CFTR: variants seen among roughly 807,000 people sequenced by gnomAD.
The protein encoded by CFTR is CF transmembrane conductance regulator, also known as cystic fibrosis transmembrane conductance regulator.
CFTR carries 181 observed loss-of-function variants against 171.6 expected under a neutral mutation model. The observed-to-expected ratio is 1.05, with a 90% CI of 0.93 to 1.19. The LOEUF is 1.19. Among genes scored for constraint, CFTR ranks in the 50% most tolerant of loss-of-function variants. The probability of loss-of-function intolerance (pLI) is 0.00; values close to 1 mark genes in which losing one functional copy is unlikely to be tolerated. For synonymous variants in CFTR, 583 were observed against 608.0 expected (o/e 0.96, Z 0.60); for missense variants, 1,968 against 1,734.7 (o/e 1.13, Z -2.39).
At chr7:117,546,641 G>A (rs34456592) in intron 9 of CFTR, among the ~76,000 whole-genome samples, 17,173 of 152,002 alleles carry the variant, frequency 0.11, 1,465 homozygotes, top group East Asian at 0.41. Context: ...AAAGTTATTA[G>A]TAACAACAGT....
Position 117,627,571 on chromosome 7 carries a change from G to A in CFTR, c.3518G>A (p.Gly1173Asp). The A allele has an allele frequency of 1.2e-6, 2 of 1,613,234 alleles. No individual in the cohort carries two copies. Among genetic ancestry groups the A allele is most frequent in the Non-Finnish European group, 1.7e-6 (2 of 1,179,442 alleles). ...AAGTTCATTGACATGCCAACAGAAG[G>A]TAAACCTACCAAGTCAACCAAACCA... ...VFKFIDMPTEGKPTKSTKPYK... is the reference protein window; with the variant it reads ...VFKFIDMPTEDKPTKSTKPYK... The change falls in exon 22 of 27, where the codon GGT becomes GAT. Residue 1173 changes from glycine (G) to aspartate (D), a missense_variant. Coordinates refer to ENST00000003084, the MANE Select transcript of CFTR (RefSeq NM_000492.4).
At chr7:117,556,954 A>AT (rs1317804978) in intron 10 of CFTR, among the ~76,000 whole-genome samples, 2 of 152,028 alleles carry the variant, frequency 1.3e-5, no homozygotes, top group Admixed American at 1.3e-4. Context: ...GTTCTGTTGT[A>AT]TTGTAACTCA....
intron 3 of CFTR, among the ~76,000 whole-genome samples, chr7:117,513,885 C>G (rs1163471092): frequency 6.6e-6 from 1 of 152,216 alleles, no homozygotes; most frequent in African/African-American, 2.4e-5. Context: ...AACTCCATCT[C>G]TAACACAGAT....
In CFTR at chr7:117,606,749, T is replaced by A. The variant is rs1415507467; in HGVS notation, c.2984T>A (p.Ile995Asn). The A allele has an allele frequency of 6.5e-7, 1 of 1,536,766 alleles. No individual in the cohort carries two copies. The highest frequency in any genetic ancestry group is 1.1e-5 in the South Asian group (1 of 89,402). ...DLLPLTIFDF[I>N]QLLLIVIGAI... Reference sequence around the variant, plus strand: ...CTGCCTCTTACCATATTTGACTTCATCCAGGTATGTAAAAATAAGTACCGT... The same window carrying A: ...CTGCCTCTTACCATATTTGACTTCAACCAGGTATGTAAAAATAAGTACCGT... The change falls in exon 18 of 27, where the codon ATC (isoleucine) becomes AAC (asparagine). Residue 995 changes from isoleucine to asparagine, a missense_variant. Coordinates refer to ENST00000003084, the MANE Select transcript of CFTR (RefSeq NM_000492.4).
At chr7:117,663,828 A>C (rs1793325702) in intron 24 of CFTR, among the ~76,000 whole-genome samples, 1 of 152,220 alleles carries the variant, frequency 6.6e-6, no homozygotes, top group South Asian at 2.1e-4. Context: ...TGCCAAAAAT[A>C]AACATTTAAT....
chr7:117,610,456 C>A, intron 18 of CFTR, 63 bp from the exon 19 acceptor site: 2 of 1,361,514 alleles, frequency 1.5e-6, no homozygotes, highest in Non-Finnish European at 2.1e-6. Flanking sequence ...ATCACTGACA[C>A]ACTTTGTCCA....
At chr7:117,487,488 A>G (rs918162868) in intron 1 of CFTR, among the ~76,000 whole-genome samples, 3 of 152,158 alleles carry the variant, frequency 2.0e-5, no homozygotes, top group African/African-American at 4.8e-5. Flanking sequence ...TAGAAATTCA[A>G]TGTGGTATGA....
intron 10 of CFTR, among the ~76,000 whole-genome samples, chr7:117,549,932 A>C (rs537427951): frequency 6.6e-6 from 1 of 152,204 alleles, no homozygotes; most frequent in Non-Finnish European, 1.5e-5. Context: ...ATTAAGAAAG[A>C]CTCCTGAAAG....
Position 117,614,631 on chromosome 7 carries a change from T to C in CFTR, c.3386T>C (p.Val1129Ala), listed in dbSNP as rs1792455726. ...ILTTGEGEGRVGIILTLAMNI... is the reference protein window; with the variant it reads ...ILTTGEGEGRAGIILTLAMNI... The stretch of plus-strand genomic sequence containing the variant: ...TCTATAGGAGAAGGAGAAGGAAGAG[T>C]TGGTATTATCCTGACTTTAGCCATG... The change falls in exon 21 of 27, where the codon GTT becomes GCT. Residue 1129 changes from valine (V) to alanine (A), a missense_variant. Transcript: ENST00000003084. The C allele has an allele frequency of 6.2e-7, 1 of 1,610,338 alleles. No homozygotes were observed. The highest frequency in any genetic ancestry group is 8.5e-7 in the Non-Finnish European group (1 of 1,177,010).
intron 1 of CFTR, among the ~76,000 whole-genome samples, chr7:117,497,460 T>G (rs894165323): frequency 3.3e-5 from 5 of 152,154 alleles, no homozygotes; most frequent in African/African-American, 1.2e-4. Flanking sequence ...CTCATGAACA[T>G]CAGGAATAGT....
intron 11 of CFTR, among the ~76,000 whole-genome samples, chr7:117,585,339 C>T (rs1791914224): frequency 6.6e-6 from 1 of 151,958 alleles, no homozygotes; most frequent in African/African-American, 2.4e-5. Flanking sequence ...CTCTCTAAAT[C>T]AATAATCTAT....
At chr7:117,488,339 A>T (rs891598880) in intron 1 of CFTR, among the ~76,000 whole-genome samples, 1 of 152,154 alleles carries the variant, frequency 6.6e-6, no homozygotes, top group Non-Finnish European at 1.5e-5. Context: ...AAATCTAGAA[A>T]AAATTTTAAG....
intron 10 of CFTR, among the ~76,000 whole-genome samples, chr7:117,550,315 C>T (rs1799246992): frequency 6.7e-6 from 1 of 148,842 alleles, no homozygotes; most frequent in African/African-American, 2.5e-5. Context: ...GTACCCTAGC[C>T]TAGGTGATAG....
intron 11 of CFTR, among the ~76,000 whole-genome samples, chr7:117,578,996 T>G (rs1447613382): frequency 1.3e-5 from 2 of 152,058 alleles, no homozygotes; most frequent in East Asian, 3.9e-4. Flanking sequence ...TGACTAAACA[T>G]GTTAGCTATA....
At chr7:117,509,446 G>C (rs1219995689) in intron 3 of CFTR, among the ~76,000 whole-genome samples, 1 of 152,046 alleles carries the variant, frequency 6.6e-6, no homozygotes, top group Non-Finnish European at 1.5e-5. Context: ...TGAGATTACT[G>C]GTGCCTTTAT....
At chr7:117,666,635 T>A (rs1327652559) in intron 26 of CFTR, among the ~76,000 whole-genome samples, 1 of 152,184 alleles carries the variant, frequency 6.6e-6, no homozygotes, top group Non-Finnish European at 1.5e-5. Context: ...GACCTAATAT[T>A]TTGTTTTCAA....
intron 20 of CFTR, among the ~76,000 whole-genome samples, chr7:117,612,023 G>GTATATATATATATATATATATATATGTA (rs1792402296): frequency 1.7e-3 from 89 of 53,124 alleles, no homozygotes; most frequent in Non-Finnish European, 2.4e-3. Context: ...ATATATATAT[G>GTATATATATATATATATATATATATGTA]TATATATATA....
chr7:117,558,985 A>T (rs984831263), intron 10 of CFTR, among the ~76,000 whole-genome samples: 1 of 152,232 alleles, frequency 6.6e-6, no homozygotes, highest in South Asian at 2.1e-4. Context: ...TTATACTCCA[A>T]GAAAGGCTCA....
Position 117,504,345 on chromosome 7 carries a change from T to C in CFTR, c.146T>C (p.Leu49Pro), listed in dbSNP as rs556662007. Residue 49 changes from leucine (L) to proline (P), a missense_variant, in exon 2 of 27, where the codon CTA becomes CCA. By Grantham distance (98) the Leu-to-Pro change is moderately conservative. Coordinates refer to ENST00000003084, the MANE Select transcript of CFTR (RefSeq NM_000492.4). ...QIPSVDSADNLSEKLEREWDR... is the reference protein window; with the variant it reads ...QIPSVDSADNPSEKLEREWDR... ...CCTTCTGTTGATTCTGCTGACAATC[T>C]ATCTGAAAAATTGGAAAGGTATGTT... The C allele has an allele frequency of 6.3e-7, 1 of 1,589,270 alleles. No homozygotes were observed. The highest frequency in any genetic ancestry group is 8.6e-7 in the Non-Finnish European group (1 of 1,157,390).
Sources: gnomAD v4.1 joint callset for allele counts (sites outside exome capture counted in the v4.1 genomes callset) on GRCh38, gnomAD v4.1.1 for gene constraint, MANE v1.5 for transcripts, NCBI Gene and HGNC (gene_info 2026-07-23, HGNC 2026-07-21) for gene names.